The following TMTC1 variants were observed in gnomAD, a reference collection of about 807,000 sequenced individuals.
TMTC1 encodes protein O-mannosyl-transferase TMTC1.
A neutral mutation model predicts 104.8 loss-of-function variants in TMTC1; 73 were observed. The ratio of observed to expected loss-of-function variants is 0.70; its 90% CI spans 0.58 to 0.85. The LOEUF is 0.85. Among genes scored for constraint, TMTC1 ranks in the 40% least tolerant of loss-of-function variants. The pLI is 0.00. For synonymous variants in TMTC1, 434 were observed against 428.7 expected (o/e 1.01, Z -0.15); for missense variants, 1,035 against 1,096.1 (o/e 0.94, Z 0.79).
At chr12:29,695,590 C>A (rs985570080) in intron 5 of TMTC1, among the ~76,000 whole-genome samples, 3 of 151,324 alleles carry the variant, frequency 2.0e-5, no homozygotes, top group African/African-American at 7.3e-5. Context: ...CAGGCGTGAG[C>A]CACCGCGCCA....
intron 9 of TMTC1, chr12:29,569,012 C>T (rs2254945): frequency 0.61 from 275,877 of 455,470 alleles, 88,286 homozygotes; most frequent in Non-Finnish European, 0.67. Flanking sequence ...GTGAGAGCTG[C>T]CCCTCACAGC....
intron 7 of TMTC1, among the ~76,000 whole-genome samples, chr12:29,589,735 T>C (rs1406939683): frequency 6.6e-6 from 1 of 152,224 alleles, no homozygotes; most frequent in Non-Finnish European, 1.5e-5. Flanking sequence ...CTGCAATATA[T>C]GTTTGCGTGT....
intron 5 of TMTC1, among the ~76,000 whole-genome samples, chr12:29,726,593 C>G (rs139260287): frequency 6.6e-6 from 1 of 152,204 alleles, no homozygotes; most frequent in Non-Finnish European, 1.5e-5. Context: ...CCTAGACTCT[C>G]TTCAGTTGTT....
At chr12:29,583,595 A>G in intron 7 of TMTC1, 21 bp from the exon 8 acceptor site, 1 of 1,605,980 alleles carries the variant, frequency 6.2e-7, no homozygotes, top group Non-Finnish European at 8.5e-7. Flanking sequence ...GGGTGGAAGG[A>G]ACGGGATTAC....
chr12:29,750,932 A>G (rs879489677), intron 5 of TMTC1, among the ~76,000 whole-genome samples: 6 of 152,222 alleles, frequency 3.9e-5, no homozygotes, highest in Admixed American at 1.3e-4. Flanking sequence ...CGTTTGCCCT[A>G]TAAAAGCTTC....
chr12:29,586,495 G>A (rs1385904502), intron 7 of TMTC1, among the ~76,000 whole-genome samples: 1 of 152,118 alleles, frequency 6.6e-6, no homozygotes, highest in Non-Finnish European at 1.5e-5. Context: ...GGTGAGAGAG[G>A]ACATCCCTGT....
intron 10 of TMTC1, among the ~76,000 whole-genome samples, chr12:29,545,551 A>T (rs1264083578): frequency 6.6e-6 from 1 of 151,814 alleles, no homozygotes; most frequent in Non-Finnish European, 1.5e-5. Flanking sequence ...GAGGCAGGAG[A>T]ATCACTAAAA....
chr12:29,648,041 C>A (rs76795130), intron 5 of TMTC1, among the ~76,000 whole-genome samples: 2,291 of 152,236 alleles, frequency 0.015, 55 homozygotes, highest in African/African-American at 0.053. Context: ...ATCCTTAATC[C>A]CAGATTTACA....
chr12:29,615,436 G>A (rs1427569073), intron 6 of TMTC1, among the ~76,000 whole-genome samples: 1 of 152,186 alleles, frequency 6.6e-6, no homozygotes, highest in Non-Finnish European at 1.5e-5. Flanking sequence ...TTAAGCAGGT[G>A]AAGATACAAA....
chr12:29,766,155 T>C (rs1943459067), intron 2 of TMTC1, among the ~76,000 whole-genome samples: 1 of 152,236 alleles, frequency 6.6e-6, no homozygotes, highest in South Asian at 2.1e-4. Context: ...CACAAAGAGT[T>C]GGGAAAATGA....
chr12:29,765,721 A>G (rs962697858), intron 2 of TMTC1, among the ~76,000 whole-genome samples: 4 of 152,224 alleles, frequency 2.6e-5, no homozygotes, highest in Admixed American at 2.6e-4. Context: ...ATTTATTTTC[A>G]GTAAGTTCAG....
At position 29,520,825 on chromosome 12, in the gene TMTC1, A is replaced by T; in HGVS notation, c.1786-105T>A. 10 of 828,918 alleles carry T rather than the reference A, an allele frequency of 1.2e-5. No homozygotes were observed. The South Asian group carries it at 1.7e-4, about 14-fold the overall frequency. 51.3% of individuals were successfully genotyped at this position (828,918 alleles called of 1,614,324 possible). A position where few individuals can be genotyped will look rare whatever the true frequency, so the allele number is the denominator to read the frequency against. ...AGCAAAAAAAAAATAAATCTTACTA[A>T]GCACCTAATATACAACAGGCTACTG... On this transcript the variant is annotated intron_variant, in intron 11 of 17. Coordinates refer to ENST00000539277, the MANE Select transcript of TMTC1 (RefSeq NM_001193451.2).
At position 29,520,718 on chromosome 12, in the gene TMTC1, C is replaced by T. The variant is rs748784229; in HGVS notation, c.1788G>A (p.Glu596=). ...ATATTTCTTCAGCTTCTTTAAACCG[C>T]TCCTTTAAAAAGAAAGAAACAAACA... ...SSLASLLAEQ[E]RFKEAEEIYQ... Residue 596 remains glutamate, a splice_region_variant and synonymous_variant, in exon 12 of 18, where the codon GAG becomes GAA. Coordinates refer to ENST00000539277, the MANE Select transcript of TMTC1 (RefSeq NM_001193451.2). 1.4e-5 allele frequency: 23 copies of T among 1,607,734 alleles called. No homozygotes were observed. The South Asian group carries it at 2.4e-4, about 17-fold the overall frequency.
intron 11 of TMTC1, 110 bp downstream of exon 11, chr12:29,536,099 G>A (rs1188964028): frequency 1.4e-6 from 1 of 739,434 alleles, no homozygotes; most frequent in East Asian, 2.6e-5. Context: ...CATAGAGATT[G>A]GTTGTCCAAT....
chr12:29,692,211 TC>T lies in TMTC1; in HGVS notation c.939-58876del, dbSNP rs1251393943. On this transcript the variant is annotated intron_variant, in intron 5 of 17. Coordinates refer to ENST00000539277, the MANE Select transcript of TMTC1 (RefSeq NM_001193451.2). ...TCTCTTTAATAATTCTTCTTTTTCC[TC>T]CCTTTCACATAATCATACCACTTTA... 3.4e-5 allele frequency among the ~76,000 whole-genome samples: 5 copies of T among 145,520 alleles called. 1 individual carries two copies. Among genetic ancestry groups the T allele is most frequent in the African/African-American group, 1.3e-4 (5 of 39,772 alleles).
chr12:29,613,860 T>C, intron 6 of TMTC1: 1 of 740,504 alleles, frequency 1.4e-6, no homozygotes. Context: ...TCTTTTCTGT[T>C]AAGAAAGTGA....
chr12:29,766,600 T>C (rs192214313), intron 2 of TMTC1, among the ~76,000 whole-genome samples: 14 of 152,266 alleles, frequency 9.2e-5, no homozygotes, highest in Admixed American at 7.2e-4. Context: ...ACCTGGGGCA[T>C]AGTAAGATGC....
chr12:29,523,193 T>G (rs1469787571), intron 11 of TMTC1, among the ~76,000 whole-genome samples: 1 of 152,178 alleles, frequency 6.6e-6, no homozygotes, highest in African/African-American at 2.4e-5. Flanking sequence ...AAAGAAAAAC[T>G]TTAGACAAAT....
chr12:29,511,282 T>TCTC (rs368774907), intron 17 of TMTC1, among the ~76,000 whole-genome samples: 1 of 151,862 alleles, frequency 6.6e-6, no homozygotes, highest in Non-Finnish European at 1.5e-5. Flanking sequence ...TATTAATATA[T>TCTC]CTCCTCCTCC....
Sources: gnomAD v4.1 joint callset for allele counts (sites outside exome capture counted in the v4.1 genomes callset) on GRCh38, gnomAD v4.1.1 for gene constraint, MANE v1.5 for transcripts, NCBI Gene and HGNC (gene_info 2026-07-23, HGNC 2026-07-21) for gene names.